The following MVB12B variants were observed in gnomAD, a reference collection of about 807,000 sequenced individuals.
The protein encoded by MVB12B is multivesicular body subunit 12B.
MVB12B carries 16 observed loss-of-function variants against 41.6 expected under a neutral mutation model. That is an observed-to-expected ratio of 0.38 (90% CI 0.26 to 0.58). The LOEUF (loss-of-function observed/expected upper bound fraction) is 0.58, where lower values mean the gene tolerates loss of function less well. Among genes scored for constraint, MVB12B ranks in the 20% least tolerant of loss-of-function variants. The pLI is 0.62. For synonymous variants in MVB12B, 133 were observed against 139.7 expected, an observed-to-expected ratio of 0.95 and a Z score of 0.34; for missense variants, 274 against 380.2, an observed-to-expected ratio of 0.72 and a Z score of 2.32.
At chr9:126,342,838 C>G (rs993532029) in intron 2 of MVB12B, among the ~76,000 whole-genome samples, 1 of 152,228 alleles carries the variant, frequency 6.6e-6, no homozygotes, top group Non-Finnish European at 1.5e-5. Flanking sequence ...AAGTGCAAGG[C>G]GCTCTGTGGT....
chr9:126,501,285 A>G (rs748086402), intron 9 of MVB12B, among the ~76,000 whole-genome samples: 3 of 152,200 alleles, frequency 2.0e-5, no homozygotes, highest in Non-Finnish European at 4.4e-5. Context: ...ACCATCGCTC[A>G]TTCCATCCTC....
At chr9:126,365,044 G>A (rs1469931093) in intron 2 of MVB12B, among the ~76,000 whole-genome samples, 2 of 144,868 alleles carry the variant, frequency 1.4e-5, no homozygotes, top group African/African-American at 5.2e-5. Flanking sequence ...GAGCCACCGC[G>A]CCTGGCCTGT....
At chr9:126,493,608 C>T (rs1008681667) in intron 9 of MVB12B, among the ~76,000 whole-genome samples, 2 of 152,170 alleles carry the variant, frequency 1.3e-5, no homozygotes, top group South Asian at 2.1e-4. Flanking sequence ...GCATTGAGCA[C>T]ATGGTTGAAC....
intron 9 of MVB12B, among the ~76,000 whole-genome samples, chr9:126,497,493 C>T (rs1833862394): frequency 6.6e-6 from 1 of 152,120 alleles, no homozygotes; most frequent in Non-Finnish European, 1.5e-5. Context: ...GGCTCACTCC[C>T]CAGTAGTGGC....
chr9:126,416,610 C>G (rs73595681), intron 6 of MVB12B, among the ~76,000 whole-genome samples: 2,830 of 152,256 alleles, frequency 0.019, 72 homozygotes, highest in African/African-American at 0.057. Context: ...GATAGTGAAG[C>G]TGAATCGGGG....
chr9:126,338,211 T>C (rs1055832488), intron 1 of MVB12B, among the ~76,000 whole-genome samples: 1 of 152,230 alleles, frequency 6.6e-6, no homozygotes, highest in Non-Finnish European at 1.5e-5. Context: ...ACGGCTGGCG[T>C]TGGAGATGCT....
intron 1 of MVB12B, among the ~76,000 whole-genome samples, chr9:126,329,201 TA>T (rs1829062313): frequency 6.6e-6 from 1 of 152,158 alleles, no homozygotes; most frequent in African/African-American, 2.4e-5. Flanking sequence ...CAGGTGACCC[TA>T]GGGGAGTCAC....
chr9:126,430,550 T>C (rs1832302907), intron 7 of MVB12B, among the ~76,000 whole-genome samples: 1 of 151,572 alleles, frequency 6.6e-6, no homozygotes, highest in African/African-American at 2.4e-5. Context: ...GCAGAGACCA[T>C]ATTTAGAGAG....
intron 2 of MVB12B, among the ~76,000 whole-genome samples, chr9:126,343,681 C>T (rs995785931): frequency 2.6e-5 from 4 of 151,858 alleles, no homozygotes; most frequent in East Asian, 3.9e-4. Context: ...TTTGGGAGGC[C>T]GAAGTGGGCA....
rs915381701 is a variant in MVB12B at position 126,504,835 on chromosome 9, C to T, written c.*1572C>T. On this transcript the variant is annotated 3_prime_UTR_variant, in exon 10 of 10. Coordinates refer to ENST00000361171, the MANE Select transcript of MVB12B (RefSeq NM_033446.3). ...CCTGGTGGGGGTGGCCTTCTCAGGA[C>T]TCCTGGGTGGCACAGCAGCAGGACC... is the stretch of plus-strand genomic sequence containing the variant. 2.6e-5 allele frequency: 4 copies of T among 152,538 alleles called. No individual in the cohort carries two copies. Among genetic ancestry groups the T allele is most frequent in the Admixed American group, 1.3e-4 (2 of 15,290 alleles). 9.4% of individuals were successfully genotyped at this position (152,538 alleles called of 1,614,324 possible).
intron 1 of MVB12B, among the ~76,000 whole-genome samples, chr9:126,330,646 T>C (rs1010519826): frequency 1.3e-5 from 2 of 152,196 alleles, no homozygotes; most frequent in Non-Finnish European, 2.9e-5. Flanking sequence ...ATCCTACTCA[T>C]CTTTAAGTGC....
At chr9:126,377,685 C>T (rs1374044718) in intron 2 of MVB12B, among the ~76,000 whole-genome samples, 1 of 152,092 alleles carries the variant, frequency 6.6e-6, no homozygotes, top group East Asian at 1.9e-4. Context: ...CAGGCACTGC[C>T]GTTGTCCTTG....
intron 9 of MVB12B, among the ~76,000 whole-genome samples, chr9:126,485,955 G>A (rs1299698051): frequency 6.6e-6 from 1 of 151,966 alleles, no homozygotes; most frequent in Admixed American, 6.6e-5. Flanking sequence ...AGATGGAAAT[G>A]GTAGAACCAT....
rs1212196427 is a variant in MVB12B, at chr9:126,442,358, T to C, written c.757+20410T>C. On this transcript the variant is annotated intron_variant, in intron 7 of 9. Coordinates refer to ENST00000361171, the MANE Select transcript of MVB12B (RefSeq NM_033446.3). Reference sequence around the variant, plus strand: ...GCTTCCCAAAGCCATGTACTCATGGTGGGGTGGATTTTAGAGTAGACATGG... The same window carrying C: ...GCTTCCCAAAGCCATGTACTCATGGCGGGGTGGATTTTAGAGTAGACATGG... Among the ~76,000 whole-genome samples, 3 of 152,174 alleles carry C rather than the reference T, an allele frequency of 2.0e-5. No homozygotes were observed. The South Asian group carries it at 6.2e-4, about 31-fold the overall frequency.
At chr9:126,494,850 G>T (rs1372402038) in intron 9 of MVB12B, among the ~76,000 whole-genome samples, 10 of 151,462 alleles carry the variant, frequency 6.6e-5, no homozygotes, top group Non-Finnish European at 5.9e-5. Flanking sequence ...TGCTGACTCA[G>T]TGACCAGGGA....
At position 126,484,005 on chromosome 9, in the gene MVB12B, C is replaced by G; in HGVS notation, c.846C>G (p.Ile282Met). 6.2e-7 allele frequency: 1 copy of G among 1,614,100 alleles called. No individual in the cohort carries two copies. The highest frequency in any genetic ancestry group is 8.5e-7 in the Non-Finnish European group (1 of 1,180,028). Residue 282 changes from isoleucine to methionine, a missense_variant, in exon 9 of 10, where the codon ATC becomes ATG. By Grantham distance (10) the Ile-to-Met change is conservative. Transcript: ENST00000361171. ...CCTTTGATCTCCTGGGAATCACCAT[C>G]AAATCTCTAGCAGAAATCGAAAAAG... ...MQPFDLLGIT[I>M]KSLAEIEKEY...
At chr9:126,430,978 G>A (rs1340101311) in intron 7 of MVB12B, among the ~76,000 whole-genome samples, 3 of 152,200 alleles carry the variant, frequency 2.0e-5, no homozygotes, top group Non-Finnish European at 4.4e-5. Flanking sequence ...AAACCAGGAA[G>A]CAGTGTAGGA....
chr9:126,373,150 A>C (rs1830388186), intron 2 of MVB12B, among the ~76,000 whole-genome samples: 1 of 152,248 alleles, frequency 6.6e-6, no homozygotes, highest in Non-Finnish European at 1.5e-5. Context: ...TAAAAAAAAG[A>C]GACATTTCAG....
Position 126,391,608 on chromosome 9 carries a change from C to CA in MVB12B, c.410-458_410-457insA. Among the ~76,000 whole-genome samples the CA allele has an allele frequency of 1.3e-5, 2 of 152,338 alleles. 1 individual carries two copies. The highest frequency in any genetic ancestry group is 4.1e-4 in the South Asian group (2 of 4,826). On this transcript the variant is annotated intron_variant, in intron 4 of 9. Coordinates refer to ENST00000361171, the MANE Select transcript of MVB12B (RefSeq NM_033446.3). This position sits in a 1 kb window ranked among gnomAD's most constrained non-coding sequence, Gnocchi z 4.4. The stretch of plus-strand genomic sequence containing the variant: ...CAGGGGTGGGAGGAGAGGAAACCAG[C>CA]TTGTCCATTGTGCACAGCATTGACA...
Sources: gnomAD v4.1 joint callset for allele counts (sites outside exome capture counted in the v4.1 genomes callset) on GRCh38, gnomAD v4.1.1 for gene constraint, Gnocchi (gnomAD v3.1) non-coding constraint, MANE v1.5 for transcripts, NCBI Gene and HGNC (gene_info 2026-07-23, HGNC 2026-07-21) for gene names.